The following PRKAR2B variants were observed in gnomAD, a reference collection of about 807,000 sequenced individuals.
The protein encoded by PRKAR2B is protein kinase cAMP-dependent type II regulatory subunit beta.
A neutral mutation model predicts 49.9 loss-of-function variants in PRKAR2B; 14 were observed. The observed-to-expected ratio is 0.28, with a 90% CI of 0.19 to 0.44. PRKAR2B has a LOEUF of 0.44. PRKAR2B is among the 20% of genes least tolerant of loss of function. The probability of loss-of-function intolerance (pLI) is 1.00; values close to 1 mark genes in which losing one functional copy is unlikely to be tolerated. For synonymous variants in PRKAR2B, 196 were observed against 197.7 expected, an observed-to-expected ratio of 0.99 and a Z score of 0.07; for missense variants, 393 against 537.9, an observed-to-expected ratio of 0.73 and a Z score of 2.67.
intron 2 of PRKAR2B, among the ~76,000 whole-genome samples, chr7:107,118,967 T>C (rs1202848227): frequency 6.6e-6 from 1 of 152,206 alleles, no homozygotes; most frequent in Admixed American, 6.5e-5. Flanking sequence ...ACTGGCACAA[T>C]GTATAGTTCA....
At chr7:107,106,007 A>G (rs980827005) in intron 2 of PRKAR2B, among the ~76,000 whole-genome samples, 4 of 152,098 alleles carry the variant, frequency 2.6e-5, no homozygotes, top group Non-Finnish European at 4.4e-5. Context: ...ATTTTTGCCT[A>G]TTGTAGCTTC....
chr7:107,133,463 A>G (rs942034295), intron 4 of PRKAR2B: 1 of 152,236 alleles, frequency 6.6e-6, no homozygotes, highest in Non-Finnish European at 1.5e-5. Flanking sequence ...AAGCAAAACA[A>G]TATATTAGTA....
intron 1 of PRKAR2B, among the ~76,000 whole-genome samples, chr7:107,062,833 A>G (rs2116761754): frequency 6.6e-6 from 1 of 152,266 alleles, no homozygotes; most frequent in South Asian, 2.1e-4. Context: ...GACTAAAACC[A>G]GGTTACATTT....
Position 107,113,287 on chromosome 7 carries a change from A to G in PRKAR2B, c.344-8665A>G, listed in dbSNP as rs141743067. Among the ~76,000 whole-genome samples the G allele has an allele frequency of 2.4e-3, 366 of 152,338 alleles. 3 individuals carry two copies. Among genetic ancestry groups the G allele is most frequent in the African/African-American group, 8.3e-3 (344 of 41,576 alleles). The stretch of plus-strand genomic sequence containing the variant: ...GAATGTGATTCAAGGTCTCAGGCCA[A>G]AATAAATGCCAAGAGATGATCGTAT... On this transcript the variant is annotated intron_variant, in intron 2 of 10. Coordinates refer to ENST00000265717, the MANE Select transcript of PRKAR2B (RefSeq NM_002736.3).
intron 1 of PRKAR2B, among the ~76,000 whole-genome samples, chr7:107,068,348 A>G (rs1794195609): frequency 6.6e-6 from 1 of 151,982 alleles, no homozygotes; most frequent in Non-Finnish European, 1.5e-5. Context: ...CATCTTGCCT[A>G]TATCTGCTTG....
At chr7:107,088,727 G>A (rs1481689997) in intron 2 of PRKAR2B, among the ~76,000 whole-genome samples, 1 of 152,040 alleles carries the variant, frequency 6.6e-6, no homozygotes, top group Admixed American at 6.6e-5. Context: ...AGCCTCTTGA[G>A]GAGTTGGGGC....
At chr7:107,147,348 A>C (rs932190169) in intron 6 of PRKAR2B, among the ~76,000 whole-genome samples, 2 of 152,204 alleles carry the variant, frequency 1.3e-5, no homozygotes, top group Non-Finnish European at 2.9e-5. Flanking sequence ...ACCATGGGCA[A>C]ATTGATCAGA....
Position 107,044,761 on chromosome 7 carries a change from C to G in PRKAR2B, c.-147C>G, listed in dbSNP as rs985142003. ...GCGCGCCGGGAGCCGCGGGCCGGGC[C>G]AGCCGGGCCGCCGGGGCCCAGTGCG... On this transcript the variant is annotated 5_prime_UTR_variant, in exon 1 of 11. Transcript: ENST00000265717. The G allele has an allele frequency of 3.1e-6, 1 of 327,358 alleles. No homozygotes were observed. The highest frequency in any genetic ancestry group is 2.3e-5 in the African/African-American group (1 of 44,014). The allele number at this position is 327,358 out of a possible 1,614,324, so 20.3% of individuals were successfully genotyped here.
At chr7:107,057,362 C>CT (rs879338739) in intron 1 of PRKAR2B, among the ~76,000 whole-genome samples, 93 of 146,360 alleles carry the variant, frequency 6.4e-4, no homozygotes, top group South Asian at 1.7e-3. Context: ...TGATGTCATT[C>CT]TTTTTTTTTT....
rs970167691 is a variant in PRKAR2B at position 107,159,823 on chromosome 7, A to G, written c.*241A>G. On this transcript the variant is annotated 3_prime_UTR_variant, in exon 11 of 11. Coordinates refer to ENST00000265717, the MANE Select transcript of PRKAR2B (RefSeq NM_002736.3). ...ATAAAATGACTTTGTACTCCACAAAATTATGACTGAAAGGTTTATTAAAAT... is the reference window on the plus strand; with the variant it reads ...ATAAAATGACTTTGTACTCCACAAAGTTATGACTGAAAGGTTTATTAAAAT... 5.1e-6 allele frequency: 2 copies of G among 393,424 alleles called. No homozygotes were observed. The highest frequency in any genetic ancestry group is 7.8e-5 in the East Asian group (2 of 25,482). 24.4% of individuals were successfully genotyped at this position (393,424 alleles called of 1,614,324 possible).
intron 1 of PRKAR2B, among the ~76,000 whole-genome samples, chr7:107,058,306 C>A (rs1375491730): frequency 1.3e-5 from 2 of 152,086 alleles, no homozygotes; most frequent in Non-Finnish European, 2.9e-5. Context: ...AAACTGTGTG[C>A]CTGAAATACA....
At chr7:107,113,116 TGCTA>T (rs915287003) in intron 2 of PRKAR2B, among the ~76,000 whole-genome samples, 70 of 152,226 alleles carry the variant, frequency 4.6e-4, no homozygotes, top group Admixed American at 2.0e-4. Flanking sequence ...GATACGTGTA[TGCTA>T]GGCAGCATTC....
intron 1 of PRKAR2B, among the ~76,000 whole-genome samples, chr7:107,064,426 T>G (rs1477419643): frequency 1.3e-5 from 2 of 152,192 alleles, no homozygotes; most frequent in African/African-American, 2.4e-5. Flanking sequence ...CTGCCCCACC[T>G]CCAGCCGTAA....
At chr7:107,089,376 C>G (rs1447520986) in intron 2 of PRKAR2B, among the ~76,000 whole-genome samples, 2 of 152,136 alleles carry the variant, frequency 1.3e-5, no homozygotes, top group Admixed American at 1.3e-4. Context: ...AATTTATACT[C>G]CTCCCATAAC....
At chr7:107,113,798 G>A (rs1795216677) in intron 2 of PRKAR2B, among the ~76,000 whole-genome samples, 1 of 152,090 alleles carries the variant, frequency 6.6e-6, no homozygotes, top group African/African-American at 2.4e-5. Context: ...GGTTAGTCTT[G>A]TATCTTTATC....
chr7:107,087,205 C>T (rs1794637028), intron 2 of PRKAR2B, among the ~76,000 whole-genome samples: 1 of 150,894 alleles, frequency 6.6e-6, no homozygotes, highest in Non-Finnish European at 1.5e-5. Context: ...TTATGTAATT[C>T]ACATTTAATG....
chr7:107,102,454 C>G (rs1221649812), intron 2 of PRKAR2B, among the ~76,000 whole-genome samples: 1 of 152,196 alleles, frequency 6.6e-6, no homozygotes, highest in Non-Finnish European at 1.5e-5. Flanking sequence ...GATGGCCCTG[C>G]TCTGTCTATG....
intron 2 of PRKAR2B, among the ~76,000 whole-genome samples, chr7:107,104,061 C>A (rs185923214): frequency 1.3e-5 from 2 of 151,972 alleles, no homozygotes; most frequent in Non-Finnish European, 2.9e-5. Context: ...GACGGAGTCT[C>A]GCACTTTTGG....
Position 107,159,639 on chromosome 7 carries a change from A to G in PRKAR2B, c.*57A>G. ...AAAATTACACAGTAGTGGTTAGTCCACTGAGAATGTGTTTGTGTAGATGCC... is the reference window on the plus strand; with the variant it reads ...AAAATTACACAGTAGTGGTTAGTCCGCTGAGAATGTGTTTGTGTAGATGCC... On this transcript the variant is annotated 3_prime_UTR_variant, in exon 11 of 11. Coordinates refer to ENST00000265717, the MANE Select transcript of PRKAR2B (RefSeq NM_002736.3). 6.4e-7 allele frequency: 1 copy of G among 1,565,014 alleles called. No homozygotes were observed. The highest frequency in any genetic ancestry group is 8.7e-7 in the Non-Finnish European group (1 of 1,146,950).
Sources: gnomAD v4.1 joint callset for allele counts (sites outside exome capture counted in the v4.1 genomes callset) on GRCh38, gnomAD v4.1.1 for gene constraint, MANE v1.5 for transcripts, NCBI Gene and HGNC (gene_info 2026-07-23, HGNC 2026-07-21) for gene names.